CTNND1: variants seen among roughly 807,000 people sequenced by gnomAD.
The protein encoded by CTNND1 is catenin delta 1.
In CTNND1, 16 loss-of-function variants were observed where a neutral mutation model predicts 112.1. That is an observed-to-expected ratio of 0.14 (90% CI 0.10 to 0.22). The LOEUF is 0.22. Ranked by LOEUF, CTNND1 falls within the 10% of genes least tolerant of loss-of-function variation. The pLI is 1.00. For synonymous variants in CTNND1, 420 were observed against 446.5 expected (o/e 0.94, Z 0.75); for missense variants, 1,008 against 1,257.0 (o/e 0.80, Z 3.00).
At chr11:57,812,735 T>C (rs774324485) in intron 17 of CTNND1, among the ~76,000 whole-genome samples, 1 of 152,104 alleles carries the variant, frequency 6.6e-6, no homozygotes, top group Non-Finnish European at 1.5e-5. Flanking sequence ...AGGCTGGTCT[T>C]GAACTCCTGG....
intron 18 of CTNND1, 96 bp from the exon 19 acceptor site, chr11:57,815,298 C>T: frequency 7.2e-6 from 5 of 696,946 alleles, no homozygotes; most frequent in Non-Finnish European, 9.4e-6. Context: ...AAGCTCAGTT[C>T]CCAACAGTGA....
At chr11:57,813,793 T>C (rs990888992) in intron 17 of CTNND1, 1 of 152,262 alleles carries the variant, frequency 6.6e-6, no homozygotes, top group Non-Finnish European at 1.5e-5. Flanking sequence ...TTCAAAGAGA[T>C]ATACAAAAAT....
intron 1 of CTNND1, among the ~76,000 whole-genome samples, chr11:57,785,533 T>C (rs955560691): frequency 6.6e-6 from 1 of 152,004 alleles, no homozygotes; most frequent in African/African-American, 2.4e-5. Flanking sequence ...ACTGTGCTAT[T>C]GGTAGGTGAT....
In CTNND1 at chr11:57,801,791, T is replaced by C; in HGVS notation, c.1015T>C (p.Leu339=). The change falls in exon 7 of 21, where the codon TTG becomes CTG. Residue 339 remains leucine (L), a synonymous_variant. Transcript: ENST00000399050. ...VPSDQYYWAP[L]AQHERGSLAS... ...ATCGGATCAATACTACTGGGCTCCT[T>C]TGGCCCAGCATGAGCGAGGAAGTTT... 1 of 1,613,990 alleles carries C rather than the reference T, an allele frequency of 6.2e-7. No homozygotes were observed. Among genetic ancestry groups the C allele is most frequent in the Non-Finnish European group, 8.5e-7 (1 of 1,179,866 alleles).
chr11:57,797,107 C>G, intron 6 of CTNND1, 115 bp downstream of exon 6: 2 of 903,538 alleles, frequency 2.2e-6, no homozygotes, highest in Non-Finnish European at 3.0e-6. Flanking sequence ...GCCTCCTCCC[C>G]TCTGCTTTTT....
Position 57,808,159 on chromosome 11 carries a change from G to C in CTNND1, c.1964-6G>C. 6.2e-7 allele frequency: 1 copy of C among 1,605,876 alleles called. No individual in the cohort carries two copies. Among genetic ancestry groups the C allele is most frequent in the South Asian group, 1.1e-5 (1 of 90,894 alleles). On this transcript the variant is annotated splice_region_variant and splice_polypyrimidine_tract_variant and intron_variant, in intron 12 of 20. Transcript: ENST00000399050. ...CACCCTCTGCTTCTATTTCTCTTTT[G>C]TGCAGGCTATGAGCTCTTATTTCAG...
chr11:57,797,887 G>A (rs1043024364), intron 6 of CTNND1, among the ~76,000 whole-genome samples: 2 of 145,644 alleles, frequency 1.4e-5, no homozygotes, highest in Non-Finnish European at 3.0e-5. Flanking sequence ...TTATTAGTCT[G>A]TGTCCTGAAG....
At chr11:57,783,076 G>A (rs580368) in intron 1 of CTNND1, among the ~76,000 whole-genome samples, 144,906 of 152,242 alleles carry the variant, frequency 0.95, 69,401 homozygotes, top group East Asian at 1. Context: ...ACTTGAGGTC[G>A]GGAGTTCAAG....
At chr11:57,801,701 T>C in intron 6 of CTNND1, 32 bp from the exon 7 acceptor site, 1 of 1,562,594 alleles carries the variant, frequency 6.4e-7, no homozygotes, top group Middle Eastern at 1.7e-4. Context: ...AATGACTTGA[T>C]GTATTCTCTT....
intron 1 of CTNND1, among the ~76,000 whole-genome samples, chr11:57,783,234 C>T (rs943918166): frequency 6.6e-6 from 1 of 151,678 alleles, no homozygotes; most frequent in Non-Finnish European, 1.5e-5. Context: ...TGCAGTGAGC[C>T]GAGATGACGG....
rs760434054 is a variant in CTNND1 at position 57,802,209 on chromosome 11, C to T, written c.1420+13C>T. 12 of 1,587,186 alleles carry T rather than the reference C, an allele frequency of 7.6e-6. No individual in the cohort carries two copies. The South Asian group carries it at 9.1e-5, about 12-fold the overall frequency. On this transcript the variant is annotated intron_variant, in intron 7 of 20. Transcript: ENST00000399050. ...GAAGTTATTACCGGTGAGTTCTAGG[C>T]CTAAGGAAAATTGCTAAGTCAGTGT... is the stretch of plus-strand genomic sequence containing the variant.
intron 9 of CTNND1, among the ~76,000 whole-genome samples, chr11:57,805,634 G>A (rs1310136032): frequency 6.6e-6 from 1 of 152,054 alleles, no homozygotes; most frequent in Non-Finnish European, 1.5e-5. Context: ...TAGTAAGAAT[G>A]ATGATCCAAT....
At chr11:57,773,699 A>C (rs1485255419) in intron 1 of CTNND1, among the ~76,000 whole-genome samples, 1 of 150,868 alleles carries the variant, frequency 6.6e-6, no homozygotes, top group African/African-American at 2.4e-5. Flanking sequence ...CACTTTGGGA[A>C]GCTGAGGTGG....
chr11:57,768,455 G>A (rs1435834533), intron 1 of CTNND1, among the ~76,000 whole-genome samples: 5 of 143,378 alleles, frequency 3.5e-5, no homozygotes, highest in East Asian at 2.1e-4. Flanking sequence ...GTGCAGTGGC[G>A]CGATCTCGGC....
chr11:57,788,117 CTT>C lies in CTNND1; in HGVS notation c.-213-916_-213-915del, dbSNP rs2060323358. 2.6e-5 allele frequency among the ~76,000 whole-genome samples: 4 copies of C among 152,266 alleles called. No homozygotes were observed. In the South Asian group the frequency reaches 6.2e-4, roughly 24 times the overall value. On this transcript the variant is annotated intron_variant, in intron 1 of 20. Coordinates refer to ENST00000399050, the MANE Select transcript of CTNND1 (RefSeq NM_001085458.2). This position sits in a 1 kb window ranked among gnomAD's most constrained non-coding sequence, Gnocchi z 4.1. ...TGAAATTCAGTAACTGGAAGAATCT[CTT>C]TTTGAGCTCAGAGTCCTCTTGGTGT...
chr11:57,769,933 A>AG (rs1283824508), intron 1 of CTNND1, among the ~76,000 whole-genome samples: 1 of 152,184 alleles, frequency 6.6e-6, no homozygotes, highest in Non-Finnish European at 1.5e-5. Flanking sequence ...CAAAAAAAAA[A>AG]TTACTTTCTC....
At chr11:57,770,017 A>G (rs868141900) in intron 1 of CTNND1, among the ~76,000 whole-genome samples, 1 of 152,156 alleles carries the variant, frequency 6.6e-6, no homozygotes, top group Non-Finnish European at 1.5e-5. Context: ...ATTAGGAGGT[A>G]TCTTTGTGGA....
At chr11:57,815,360 T>C (rs949236901) in intron 18 of CTNND1, 34 bp from the exon 19 acceptor site, 3 of 1,315,868 alleles carry the variant, frequency 2.3e-6, no homozygotes, top group Middle Eastern at 1.9e-4. Flanking sequence ...GAGGGGAATG[T>C]CATATTTCTG....
chr11:57,762,228 A>T, intron 1 of CTNND1, 109 bp downstream of exon 1: 2 of 391,346 alleles, frequency 5.1e-6, no homozygotes, highest in Non-Finnish European at 7.0e-6. Flanking sequence ...AGATTTTGGT[A>T]TTTTATTATA....
Sources: allele counts gnomAD v4.1 joint callset (sites outside exome capture counted in the v4.1 genomes callset), GRCh38; gene constraint gnomAD v4.1.1; non-coding constraint Gnocchi (gnomAD v3.1); transcripts MANE v1.5; gene names NCBI Gene and HGNC (gene_info 2026-07-23, HGNC 2026-07-21).